CADM1: variants seen among roughly 807,000 people sequenced by gnomAD.
CADM1 encodes the protein TSLC-1.
CADM1 carries 15 observed loss-of-function variants against 53.1 expected under a neutral mutation model. The observed-to-expected ratio is 0.28, with a 90% confidence interval of 0.19 to 0.44. The LOEUF (loss-of-function observed/expected upper bound fraction) is 0.44, where lower values mean the gene tolerates loss of function less well. Ranked by LOEUF, CADM1 falls within the 20% of genes least tolerant of loss-of-function variation. The pLI is 1.00. For missense variants in CADM1, 434 were observed against 611.3 expected, an observed-to-expected ratio of 0.71 and a Z score of 3.06; for synonymous variants, 281 against 243.0, an observed-to-expected ratio of 1.16 and a Z score of -1.45.
intron 1 of CADM1, among the ~76,000 whole-genome samples, chr11:115,296,410 A>G (rs55858622): frequency 0.19 from 29,640 of 152,074 alleles, 3,181 homozygotes; most frequent in African/African-American, 0.26. Flanking sequence ...CTGGGCTATG[A>G]GGGCAGATCC....
At chr11:115,239,136 G>A (rs1264843664) in intron 2 of CADM1, among the ~76,000 whole-genome samples, 1 of 151,936 alleles carries the variant, frequency 6.6e-6, no homozygotes, top group Non-Finnish European at 1.5e-5. Context: ...TTGTAAGTAA[G>A]GCCTTCAAAA....
At chr11:115,334,271 C>T (rs1257867639) in intron 1 of CADM1, among the ~76,000 whole-genome samples, 1 of 152,098 alleles carries the variant, frequency 6.6e-6, no homozygotes, top group Non-Finnish European at 1.5e-5. Flanking sequence ...AACTCCACAT[C>T]ATAAAGAATT....
intron 1 of CADM1, among the ~76,000 whole-genome samples, chr11:115,440,092 T>C: frequency 6.6e-6 from 1 of 152,354 alleles, no homozygotes; most frequent in Non-Finnish European, 1.5e-5. Context: ...GAAATTCATA[T>C]ATTTTAATGT....
chr11:115,344,641 G>C (rs1945530885), intron 1 of CADM1, among the ~76,000 whole-genome samples: 1 of 152,104 alleles, frequency 6.6e-6, no homozygotes, highest in Admixed American at 6.6e-5. Context: ...ACTGGAGTCA[G>C]GGTGTGAGAT....
chr11:115,295,619 G>C (rs1944058386), intron 1 of CADM1, among the ~76,000 whole-genome samples: 1 of 143,038 alleles, frequency 7.0e-6, no homozygotes, highest in South Asian at 2.2e-4. Flanking sequence ...TTCTTAAAAG[G>C]CTTCAATTAC....
chr11:115,177,821 C>G (rs1447257701), intron 11 of CADM1, among the ~76,000 whole-genome samples: 1 of 152,104 alleles, frequency 6.6e-6, no homozygotes. Flanking sequence ...GCCTAAGTAC[C>G]TTAGACCTCC....
chr11:115,242,283 G>A (rs1942262850), intron 1 of CADM1, among the ~76,000 whole-genome samples: 1 of 150,406 alleles, frequency 6.6e-6, no homozygotes, highest in Non-Finnish European at 1.5e-5. Context: ...AGCAGTGGAG[G>A]CTTAGTATGC....
At chr11:115,429,807 G>A (rs570305099) in intron 1 of CADM1, among the ~76,000 whole-genome samples, 96 of 152,258 alleles carry the variant, frequency 6.3e-4, no homozygotes, top group African/African-American at 2.2e-3. Context: ...GGTGGTCCTA[G>A]TAATAGTAGT....
In CADM1 at chr11:115,173,619, A is replaced by C. The variant is rs1000472960; in HGVS notation, c.*2855T>G. ...TCCATAAGAAGTCCATAAAGAGATT[A>C]AAGGATCACTTTGTAACATTAATTT... On this transcript the variant is annotated 3_prime_UTR_variant, in exon 12 of 12. Coordinates refer to ENST00000331581, the MANE Select transcript of CADM1 (RefSeq NM_001301043.2). 3.5e-6 allele frequency: 1 copy of C among 284,042 alleles called. No homozygotes were observed. Among genetic ancestry groups the C allele is most frequent in the Admixed American group, 6.6e-5 (1 of 15,190 alleles). 17.6% of individuals were successfully genotyped at this position (284,042 alleles called of 1,614,324 possible).
intron 1 of CADM1, among the ~76,000 whole-genome samples, chr11:115,277,377 A>C (rs1943473280): frequency 6.6e-6 from 1 of 152,210 alleles, no homozygotes. Flanking sequence ...GAATGTGCAG[A>C]ACACTATCAT....
At chr11:115,186,389 C>T (rs1939550660) in intron 10 of CADM1, among the ~76,000 whole-genome samples, 1 of 152,168 alleles carries the variant, frequency 6.6e-6, no homozygotes, top group South Asian at 2.1e-4. Flanking sequence ...GCACATTGCT[C>T]TATGCCTGAT....
chr11:115,330,833 A>C (rs1945111122), intron 1 of CADM1, among the ~76,000 whole-genome samples: 1 of 152,198 alleles, frequency 6.6e-6, no homozygotes, highest in Non-Finnish European at 1.5e-5. Context: ...ACCAGCCCAG[A>C]ACCTGGGTGG....
chr11:115,219,588 A>T (rs1254249982), intron 5 of CADM1, among the ~76,000 whole-genome samples: 1 of 152,168 alleles, frequency 6.6e-6, no homozygotes, highest in Non-Finnish European at 1.5e-5. Flanking sequence ...ACTGTTTAAG[A>T]GCAAAATGGT....
chr11:115,373,021 T>G (rs971320717), intron 1 of CADM1, among the ~76,000 whole-genome samples: 5 of 152,260 alleles, frequency 3.3e-5, no homozygotes, highest in African/African-American at 1.2e-4. Flanking sequence ...TAAATTGCTC[T>G]GATATTTTAT....
At chr11:115,193,650 A>G (rs1293906887) in intron 9 of CADM1, among the ~76,000 whole-genome samples, 2 of 152,210 alleles carry the variant, frequency 1.3e-5, no homozygotes, top group Admixed American at 1.3e-4. Flanking sequence ...TAGAGATATT[A>G]AATCAATTCA....
intron 1 of CADM1, among the ~76,000 whole-genome samples, chr11:115,367,545 A>C (rs2135113806): frequency 6.6e-6 from 1 of 152,352 alleles, no homozygotes; most frequent in African/African-American, 2.4e-5. Context: ...AAAATAATAA[A>C]GGAGTAACGA....
intron 3 of CADM1, among the ~76,000 whole-genome samples, chr11:115,234,562 A>T (rs1941943651): frequency 6.6e-6 from 1 of 152,140 alleles, no homozygotes; most frequent in African/African-American, 2.4e-5. Context: ...CTTCAAATTT[A>T]AGGCTAAGGT....
At chr11:115,263,874 G>A (rs906087106) in intron 1 of CADM1, among the ~76,000 whole-genome samples, 9 of 152,162 alleles carry the variant, frequency 5.9e-5, no homozygotes, top group Non-Finnish European at 8.8e-5. Flanking sequence ...ATAGTAGTAC[G>A]TTGTTTCAAA....
intron 1 of CADM1, among the ~76,000 whole-genome samples, chr11:115,277,831 A>G (rs1943484842): frequency 6.6e-6 from 1 of 152,212 alleles, no homozygotes; most frequent in Non-Finnish European, 1.5e-5. Flanking sequence ...AATAGACAAA[A>G]AGAAGAATAT....
Sources: allele counts gnomAD v4.1 joint callset (sites outside exome capture counted in the v4.1 genomes callset), GRCh38; gene constraint gnomAD v4.1.1; transcripts MANE v1.5; gene names NCBI Gene and HGNC (gene_info 2026-07-23, HGNC 2026-07-21).